Variants in DCP2 observed in about 807,000 individuals in gnomAD.
DCP2 encodes the protein decapping mRNA 2, also known as m7GpppN-mRNA hydrolase.
A neutral mutation model predicts 56.1 loss-of-function variants in DCP2; 30 were observed. The ratio of observed to expected loss-of-function variants is 0.53; its 90% CI spans 0.40 to 0.73. The LOEUF (loss-of-function observed/expected upper bound fraction) is 0.73, where lower values mean the gene tolerates loss of function less well. DCP2 is among the 30% of genes least tolerant of loss of function. The probability of loss-of-function intolerance (pLI) is 0.00; values close to 1 mark genes in which losing one functional copy is unlikely to be tolerated. For missense variants in DCP2, 533 were observed against 502.7 expected (o/e 1.06, Z -0.58); for synonymous variants, 197 against 163.3 (o/e 1.21, Z -1.57).
intron 8 of DCP2, among the ~76,000 whole-genome samples, chr5:113,006,494 CG>C (rs1451094832): frequency 4.6e-5 from 7 of 152,146 alleles, no homozygotes; most frequent in Non-Finnish European, 7.4e-5. Flanking sequence ...ATTAAAACTG[CG>C]TAGTAACATG....
intron 2 of DCP2, among the ~76,000 whole-genome samples, chr5:112,988,878 T>C (rs565980129): frequency 6.6e-6 from 1 of 152,218 alleles, no homozygotes; most frequent in Non-Finnish European, 1.5e-5. Context: ...CTTTACATAC[T>C]TTAGGGTTTT....
intron 2 of DCP2, 144 bp from the exon 3 acceptor site, chr5:112,991,977 C>T (rs1340883019): frequency 2.5e-6 from 3 of 1,188,668 alleles, no homozygotes; most frequent in Non-Finnish European, 3.5e-6. Flanking sequence ...AGCCATGGTG[C>T]CTGGCCAAAA....
intron 7 of DCP2, 71 bp downstream of exon 7, chr5:113,001,745 C>A: frequency 5.7e-6 from 8 of 1,414,320 alleles, no homozygotes; most frequent in Non-Finnish European, 7.0e-6. Flanking sequence ...TATTTTGCTT[C>A]TAAAATTTGC....
chr5:112,976,982 T>A lies in DCP2; in HGVS notation c.49T>A (p.Cys17Ser). ...TCCCGGCAGCGTCCTGGACGATCTCTGCAGGTACCGCGCTACCCGACCCCC... is the reference window on the plus strand; with the variant it reads ...TCCCGGCAGCGTCCTGGACGATCTCAGCAGGTACCGCGCTACCCGACCCCC... ...EIPGSVLDDLCSRFILHIPSE... is the reference protein window; with the variant it reads ...EIPGSVLDDLSSRFILHIPSE... Residue 17 changes from cysteine (C) to serine (S), a missense_variant, in exon 1 of 11, where the codon TGC (cysteine) becomes AGC (serine). Coordinates refer to ENST00000389063, the MANE Select transcript of DCP2 (RefSeq NM_152624.6). 6.4e-7 allele frequency: 1 copy of A among 1,559,632 alleles called. No homozygotes were observed.
intron 3 of DCP2, 140 bp downstream of exon 3, chr5:112,992,388 A>T: frequency 8.6e-7 from 1 of 1,166,756 alleles, no homozygotes. Flanking sequence ...AGCTTTGTAT[A>T]TTTTATCCGC....
At chr5:113,008,121 A>C in intron 9 of DCP2, 79 bp downstream of exon 9, 1 of 1,194,708 alleles carries the variant, frequency 8.4e-7, no homozygotes, top group Non-Finnish European at 1.2e-6. Flanking sequence ...AAGCACAGGA[A>C]TGTTACTTGT....
Position 113,013,646 on chromosome 5 carries a change from T to TTTCTTTC in DCP2, c.*163_*164insTCTTTCT. 1.2e-6 allele frequency: 1 copy of TTTCTTTC among 800,224 alleles called. No individual in the cohort carries two copies. Among genetic ancestry groups the TTTCTTTC allele is most frequent in the Non-Finnish European group, 2.0e-6 (1 of 512,374 alleles). 49.6% of individuals were successfully genotyped at this position (800,224 alleles called of 1,614,324 possible). A position where few individuals can be genotyped will look rare whatever the true frequency, so the allele number is the denominator to read the frequency against. ...TAAGAGAGTAGAAAGAAACACGAGT[T>TTTCTTTC]TGCACTGTAAATGCAGTTATAACCT... On this transcript the variant is annotated 3_prime_UTR_variant, in exon 11 of 11. Transcript: ENST00000389063.
chr5:112,995,268 A>G (rs1482128062), intron 4 of DCP2, among the ~76,000 whole-genome samples: 1 of 152,236 alleles, frequency 6.6e-6, no homozygotes, highest in Admixed American at 6.5e-5. Flanking sequence ...GAATGTGAGG[A>G]ATTGCCATAT....
intron 1 of DCP2, 73 bp downstream of exon 1, chr5:112,977,059 G>C: frequency 1.6e-6 from 2 of 1,237,506 alleles, no homozygotes; most frequent in South Asian, 1.8e-5. Context: ...AGGCCTCTGG[G>C]TCTTCTTCCC....
chr5:113,000,419 C>CACACACAA (rs1270574208), intron 4 of DCP2, among the ~76,000 whole-genome samples: 3 of 119,286 alleles, frequency 2.5e-5, no homozygotes, highest in East Asian at 5.5e-4. Context: ...CACACACACA[C>CACACACAA]ACACACCCAC....
At chr5:112,982,050 G>C (rs1240594555) in intron 1 of DCP2, among the ~76,000 whole-genome samples, 2 of 152,226 alleles carry the variant, frequency 1.3e-5, no homozygotes, top group African/African-American at 4.8e-5. Context: ...TTACAGGCGG[G>C]AGCCACCATG....
At chr5:112,979,848 ATACT>A (rs1422984068) in intron 1 of DCP2, among the ~76,000 whole-genome samples, 3 of 152,196 alleles carry the variant, frequency 2.0e-5, no homozygotes, top group African/African-American at 7.2e-5. Flanking sequence ...ACTGAGTGAA[ATACT>A]TATTTAGTCC....
In DCP2 at chr5:113,017,823, AATATCT is replaced by A. The variant is rs575807236; in HGVS notation, c.*4355_*4360del. ...AAGTGTAGTCATTCATATATATATG[AATATCT>A]ATATCTATATCTATACATATATATG... On this transcript the variant is annotated 3_prime_UTR_variant, in exon 11 of 11. Transcript: ENST00000389063. 65 of 152,290 alleles carry A rather than the reference AATATCT, an allele frequency of 4.3e-4. No homozygotes were observed. The highest frequency in any genetic ancestry group is 6.7e-4 in the African/African-American group (28 of 41,566). 9.4% of individuals were successfully genotyped at this position (152,290 alleles called of 1,614,324 possible). A position where few individuals can be genotyped will look rare whatever the true frequency, so the allele number is the denominator to read the frequency against.
Position 113,016,915 on chromosome 5 carries a change from C to T in DCP2, c.*3431C>T, listed in dbSNP as rs1200611892. The T allele has an allele frequency of 1.4e-5, 2 of 142,460 alleles. No homozygotes were observed. The allele number at this position is 142,460 out of a possible 1,614,324, so 8.8% of individuals were successfully genotyped here. ...GGAGTGCAATGGTGCAATTTCGGCT[C>T]ACCGCAACCTACGCCTCCCGGGTTC... On this transcript the variant is annotated 3_prime_UTR_variant, in exon 11 of 11. Transcript: ENST00000389063.
chr5:112,982,949 A>T (rs188483788), intron 1 of DCP2, among the ~76,000 whole-genome samples: 23 of 152,270 alleles, frequency 1.5e-4, no homozygotes, highest in Non-Finnish European at 3.4e-4. Context: ...ATGTGAGTAG[A>T]TAGGGAGCTG....
chr5:112,996,025 C>T (rs2150179470), intron 4 of DCP2, among the ~76,000 whole-genome samples: 1 of 152,290 alleles, frequency 6.6e-6, no homozygotes, highest in South Asian at 2.1e-4. Context: ...AGGGCCCTGC[C>T]CTTATGGATC....
At chr5:112,978,281 T>C (rs1451012759) in intron 1 of DCP2, among the ~76,000 whole-genome samples, 3 of 152,220 alleles carry the variant, frequency 2.0e-5, no homozygotes, top group African/African-American at 7.2e-5. Flanking sequence ...GGCCTGGAGT[T>C]TCTACTGTGC....
At chr5:112,983,697 G>A (rs1269362522) in intron 1 of DCP2, among the ~76,000 whole-genome samples, 1 of 151,270 alleles carries the variant, frequency 6.6e-6, no homozygotes, top group African/African-American at 2.4e-5. Flanking sequence ...TCCAGACTGG[G>A]GAAAAAAAAA....
chr5:112,991,656 C>T (rs1748596043), intron 2 of DCP2, among the ~76,000 whole-genome samples: 1 of 152,172 alleles, frequency 6.6e-6, no homozygotes, highest in Non-Finnish European at 1.5e-5. Context: ...TAGTTTCTTT[C>T]TCTTAGCAAT....
Sources: gnomAD v4.1 joint callset for allele counts (sites outside exome capture counted in the v4.1 genomes callset) on GRCh38, gnomAD v4.1.1 for gene constraint, MANE v1.5 for transcripts, NCBI Gene and HGNC (gene_info 2026-07-23, HGNC 2026-07-21) for gene names.